The following BTBD9 variants were observed in gnomAD, a reference collection of about 807,000 sequenced individuals.
The protein encoded by BTBD9 is BTB/POZ domain-containing protein 9.
A neutral mutation model predicts 64.3 loss-of-function variants in BTBD9; 49 were observed. The observed-to-expected ratio is 0.76, with a 90% CI of 0.61 to 0.97. The LOEUF (loss-of-function observed/expected upper bound fraction) is 0.97. BTBD9 is among the 50% of genes least tolerant of loss of function. The pLI is 0.00. For missense variants in BTBD9, 598 were observed against 762.1 expected (o/e 0.78, Z 2.53); for synonymous variants, 260 against 274.7 (o/e 0.95, Z 0.53).
chr6:38,557,105 T>A (rs923838355), intron 6 of BTBD9, among the ~76,000 whole-genome samples: 1 of 141,424 alleles, frequency 7.1e-6, no homozygotes, highest in Non-Finnish European at 1.5e-5. Flanking sequence ...CCCAGCACTT[T>A]GGGAGGCCAC....
chr6:38,589,031 G>A lies in BTBD9; in HGVS notation c.814+3545C>T, dbSNP rs200507854. On this transcript the variant is annotated intron_variant, in intron 4 of 10. Coordinates refer to ENST00000481247, the MANE Select transcript of BTBD9 (RefSeq NM_001099272.2). ...ATATTATTGATTTTATTATTCACAT[G>A]CTTTAAAAGTCAGGAAAAACAGACT... 5.5e-4 allele frequency among the ~76,000 whole-genome samples: 83 copies of A among 152,278 alleles called. 1 individual carries two copies. In the East Asian group the frequency reaches 0.016, roughly 29 times the overall value.
intron 9 of BTBD9, among the ~76,000 whole-genome samples, chr6:38,194,426 G>A (rs1762204603): frequency 6.6e-6 from 1 of 152,268 alleles, no homozygotes; most frequent in African/African-American, 2.4e-5. Flanking sequence ...ACAGTAGCTG[G>A]TGACAGCTAT....
chr6:38,470,106 G>A (rs1178053893), intron 6 of BTBD9, among the ~76,000 whole-genome samples: 2 of 152,112 alleles, frequency 1.3e-5, no homozygotes, highest in African/African-American at 4.8e-5. Flanking sequence ...TTTAGTGAGT[G>A]GTAAATTTCA....
chr6:38,293,404 C>A (rs1420286513), intron 7 of BTBD9, among the ~76,000 whole-genome samples: 1 of 152,164 alleles, frequency 6.6e-6, no homozygotes, highest in Non-Finnish European at 1.5e-5. Context: ...CATTATCCTA[C>A]CTGACTTCAA....
intron 7 of BTBD9, among the ~76,000 whole-genome samples, chr6:38,305,347 C>T (rs569362261): frequency 6.6e-6 from 1 of 152,302 alleles, no homozygotes; most frequent in African/African-American, 2.4e-5. Context: ...AAGTCTGCCC[C>T]ACATGCAGAA....
chr6:38,617,504 T>C (rs1205523593), intron 1 of BTBD9, among the ~76,000 whole-genome samples: 4 of 152,164 alleles, frequency 2.6e-5, no homozygotes, highest in South Asian at 2.1e-4. Context: ...TGTTCCCTTC[T>C]TTAGGCACCC....
chr6:38,428,866 C>T (rs1162665878), intron 6 of BTBD9, among the ~76,000 whole-genome samples: 1 of 151,416 alleles, frequency 6.6e-6, no homozygotes, highest in Non-Finnish European at 1.5e-5. Flanking sequence ...GCGCCCACCA[C>T]GCCCGGCTAA....
chr6:38,553,739 G>A (rs893904590), intron 6 of BTBD9, among the ~76,000 whole-genome samples: 1 of 152,020 alleles, frequency 6.6e-6, no homozygotes, highest in Non-Finnish European at 1.5e-5. Flanking sequence ...TGTAGTCCCA[G>A]CTACTTGGGA....
intron 6 of BTBD9, among the ~76,000 whole-genome samples, chr6:38,367,011 C>T (rs930682900): frequency 3.9e-5 from 6 of 152,116 alleles, no homozygotes; most frequent in East Asian, 3.9e-4. Flanking sequence ...TTCAAAGGGC[C>T]GAGTTGTTTT....
In BTBD9 at chr6:38,328,799, T is replaced by A. The variant is rs575914772; in HGVS notation, c.1264+16185A>T. Reference sequence around the variant, plus strand: ...CGTCTCCATTAAAAATACAAAAAATTAGCCAGGCGTGGTGGCGGGTGCCCA... The same window carrying A: ...CGTCTCCATTAAAAATACAAAAAATAAGCCAGGCGTGGTGGCGGGTGCCCA... On this transcript the variant is annotated intron_variant, in intron 7 of 10. Transcript: ENST00000481247. 3.1e-4 allele frequency among the ~76,000 whole-genome samples: 47 copies of A among 151,706 alleles called. 1 individual carries two copies. In the South Asian group the frequency reaches 9.6e-3, roughly 31 times the overall value.
At chr6:38,292,251 A>G (rs1761991475) in intron 7 of BTBD9, among the ~76,000 whole-genome samples, 1 of 152,202 alleles carries the variant, frequency 6.6e-6, no homozygotes, top group South Asian at 2.1e-4. Flanking sequence ...GGCATGAGCC[A>G]CCACGCCCGG....
intron 6 of BTBD9, among the ~76,000 whole-genome samples, chr6:38,418,505 G>A (rs1487977763): frequency 6.6e-6 from 1 of 152,180 alleles, no homozygotes; most frequent in African/African-American, 2.4e-5. Context: ...GGTTGCTATA[G>A]GAGAACCTTA....
In BTBD9 at chr6:38,168,657, CTG is replaced by C. The variant is rs1766618579; in HGVS notation, c.*6326_*6327del. On this transcript the variant is annotated 3_prime_UTR_variant, in exon 11 of 11. Transcript: ENST00000481247. Reference sequence around the variant, plus strand: ...ATCTTTGGAGTTTTAGACGGAGCTTCTGGAGTCACAGAGCCATTCCCAACCCA... The same window carrying C: ...ATCTTTGGAGTTTTAGACGGAGCTTCGAGTCACAGAGCCATTCCCAACCCA... 1 of 152,336 alleles carries C rather than the reference CTG, an allele frequency of 6.6e-6. No individual in the cohort carries two copies. The highest frequency in any genetic ancestry group is 1.5e-5 in the Non-Finnish European group (1 of 68,094). The allele number at this position is 152,336 out of a possible 1,614,324, so 9.4% of individuals were successfully genotyped here.
intron 8 of BTBD9, among the ~76,000 whole-genome samples, chr6:38,288,012 C>T (rs991291596): frequency 1.3e-5 from 2 of 152,160 alleles, no homozygotes; most frequent in Non-Finnish European, 2.9e-5. Context: ...TTGAAAAGGA[C>T]ATAAGCCACC....
intron 7 of BTBD9, among the ~76,000 whole-genome samples, chr6:38,328,609 G>A: frequency 7.9e-6 from 1 of 127,104 alleles, no homozygotes; most frequent in Admixed American, 8.0e-5. Flanking sequence ...GTGTGTGTGT[G>A]TGTTTTATGG....
At chr6:38,380,841 T>G (rs991150585) in intron 6 of BTBD9, among the ~76,000 whole-genome samples, 7 of 152,042 alleles carry the variant, frequency 4.6e-5, no homozygotes, top group African/African-American at 1.7e-4. Context: ...CGAGACCCTG[T>G]CTCTACAAAG....
At chr6:38,183,709 C>T (rs1761684675) in intron 10 of BTBD9, among the ~76,000 whole-genome samples, 2 of 152,194 alleles carry the variant, frequency 1.3e-5, no homozygotes, top group South Asian at 2.1e-4. Flanking sequence ...TTTGTGCAAC[C>T]GAATGCTTCC....
intron 6 of BTBD9, among the ~76,000 whole-genome samples, chr6:38,401,243 C>T (rs1316139526): frequency 6.6e-6 from 1 of 152,134 alleles, no homozygotes; most frequent in Admixed American, 6.5e-5. Flanking sequence ...AAGTGTGGCA[C>T]TTCCTTGCTC....
At chr6:38,231,773 C>CAG (rs1480908980) in intron 9 of BTBD9, among the ~76,000 whole-genome samples, 3 of 152,230 alleles carry the variant, frequency 2.0e-5, no homozygotes, top group African/African-American at 7.2e-5. Context: ...GGGAGAAAGA[C>CAG]AGGACCAAAT....
Sources: allele counts gnomAD v4.1 joint callset (sites outside exome capture counted in the v4.1 genomes callset), GRCh38; gene constraint gnomAD v4.1.1; transcripts MANE v1.5; gene names NCBI Gene and HGNC (gene_info 2026-07-23, HGNC 2026-07-21).